Variants in BCKDHB observed in about 807,000 individuals in gnomAD.
BCKDHB encodes the protein 2-oxoisovalerate dehydrogenase subunit beta, mitochondrial.
A neutral mutation model predicts 48.5 loss-of-function variants in BCKDHB; 41 were observed. The observed-to-expected ratio is 0.85, with a 90% confidence interval of 0.66 to 1.10. The LOEUF (loss-of-function observed/expected upper bound fraction) is 1.10. Among genes scored for constraint, BCKDHB ranks in the 50% least tolerant of loss-of-function variants. The probability of loss-of-function intolerance (pLI) is 0.00; values close to 1 mark genes in which losing one functional copy is unlikely to be tolerated. For missense variants in BCKDHB, 496 were observed against 494.2 expected (o/e 1.00, Z -0.03); for synonymous variants, 201 against 174.8 (o/e 1.15, Z -1.18).
intron 9 of BCKDHB, among the ~76,000 whole-genome samples, chr6:80,341,476 T>G (rs1769903179): frequency 6.6e-6 from 1 of 152,250 alleles, no homozygotes; most frequent in Non-Finnish European, 1.5e-5. Context: ...CAAGTGTGTC[T>G]TCACAGCAGA....
the BCKDHB span, among the ~76,000 whole-genome samples, chr6:80,405,998 C>T: frequency 6.6e-6 from 1 of 152,092 alleles, no homozygotes; most frequent in Non-Finnish European, 1.5e-5. Flanking sequence ...CCACCAGGCC[C>T]CAGGGTGTGA....
intron 5 of BCKDHB, among the ~76,000 whole-genome samples, 175 bp downstream of exon 5, chr6:80,169,205 A>C (rs1433369765): frequency 2.6e-5 from 4 of 152,206 alleles, no homozygotes; most frequent in African/African-American, 7.2e-5. Flanking sequence ...TATGCTATCC[A>C]ATGCCCAGTT....
chr6:80,208,581 A>G (rs557548879), intron 8 of BCKDHB, among the ~76,000 whole-genome samples: 2 of 151,974 alleles, frequency 1.3e-5, no homozygotes, highest in East Asian at 3.9e-4. Flanking sequence ...AATAGGGTAG[A>G]AACAAAGGAC....
At chr6:80,408,781 A>G in the BCKDHB span, among the ~76,000 whole-genome samples, 1 of 114,168 alleles carries the variant, frequency 8.8e-6, no homozygotes, top group African/African-American at 3.3e-5. Flanking sequence ...CGGTCTATCT[A>G]TTTTGTTGAT....
chr6:80,111,546 C>T (rs1299746801), intron 1 of BCKDHB, among the ~76,000 whole-genome samples: 4 of 152,186 alleles, frequency 2.6e-5, no homozygotes, highest in African/African-American at 9.7e-5. Context: ...TGCAGATTAT[C>T]AGAGGCAAGC....
intron 9 of BCKDHB, among the ~76,000 whole-genome samples, chr6:80,282,896 T>TA (rs1582499528): frequency 6.6e-6 from 1 of 152,138 alleles, no homozygotes; most frequent in Non-Finnish European, 1.5e-5. Flanking sequence ...TGTTTTAAAT[T>TA]AAAAAACCCA....
At chr6:80,204,713 G>A (rs994290103) in intron 8 of BCKDHB, among the ~76,000 whole-genome samples, 11 of 152,024 alleles carry the variant, frequency 7.2e-5, no homozygotes, top group Non-Finnish European at 1.2e-4. Context: ...AGCATTTGTA[G>A]CAGCTTATTG....
intron 8 of BCKDHB, among the ~76,000 whole-genome samples, chr6:80,244,140 G>A (rs190660316): frequency 6.6e-6 from 1 of 152,180 alleles, no homozygotes; most frequent in Non-Finnish European, 1.5e-5. Context: ...GTTAAGTATT[G>A]ATGTGTAGGA....
At position 80,343,843 on chromosome 6, in the gene BCKDHB, T is replaced by C; in HGVS notation, c.*39T>C. 6.2e-7 allele frequency: 1 copy of C among 1,609,150 alleles called. No homozygotes were observed. The highest frequency in any genetic ancestry group is 8.5e-7 in the Non-Finnish European group (1 of 1,175,618). On this transcript the variant is annotated 3_prime_UTR_variant, in exon 10 of 10. Transcript: ENST00000320393. ...TATGCATCTTGAGAAAGCTACTATG[T>C]GCCCCTGACATTAACGTACTGTTAA...
At chr6:80,209,246 T>C (rs80177119) in intron 8 of BCKDHB, among the ~76,000 whole-genome samples, 5,130 of 151,964 alleles carry the variant, frequency 0.034, 276 homozygotes, top group African/African-American at 0.12. Context: ...CCTCTTGATA[T>C]TAGGACTGTC....
intron 3 of BCKDHB, among the ~76,000 whole-genome samples, chr6:80,140,420 G>A (rs1408758372): frequency 1.3e-5 from 2 of 152,132 alleles, no homozygotes; most frequent in East Asian, 3.9e-4. Flanking sequence ...TGTCCATTCA[G>A]TATGATATTG....
At chr6:80,340,350 C>G (rs1203740507) in intron 9 of BCKDHB, among the ~76,000 whole-genome samples, 3 of 152,182 alleles carry the variant, frequency 2.0e-5, no homozygotes, top group African/African-American at 7.2e-5. Context: ...AGAAAAGTTT[C>G]TCTAGGTGCC....
In BCKDHB at chr6:80,345,139, C is replaced by G. The variant is rs1358490634; in HGVS notation, c.*1335C>G. Reference sequence around the variant, plus strand: ...TATCAGCCCCTTCAGTGGTGTTATTCTAACAAAATGAATACATTACAAATT... The same window carrying G: ...TATCAGCCCCTTCAGTGGTGTTATTGTAACAAAATGAATACATTACAAATT... On this transcript the variant is annotated 3_prime_UTR_variant, in exon 10 of 10. Coordinates refer to ENST00000320393, the MANE Select transcript of BCKDHB (RefSeq NM_183050.4). 1 of 152,078 alleles carries G rather than the reference C, an allele frequency of 6.6e-6. No homozygotes were observed. Among genetic ancestry groups the G allele is most frequent in the East Asian group, 1.9e-4 (1 of 5,192 alleles). The allele number at this position is 152,078 out of a possible 1,614,324, so 9.4% of individuals were successfully genotyped here.
the BCKDHB span, among the ~76,000 whole-genome samples, chr6:80,361,104 C>T: frequency 6.6e-6 from 1 of 152,058 alleles, no homozygotes; most frequent in Non-Finnish European, 1.5e-5. Flanking sequence ...CTTCCAGGGG[C>T]CTCCCGGTAT....
At chr6:80,391,193 G>GTGTGTGTA in the BCKDHB span, among the ~76,000 whole-genome samples, 1 of 151,908 alleles carries the variant, frequency 6.6e-6, no homozygotes, top group Non-Finnish European at 1.5e-5. Flanking sequence ...GTGTGTGTGT[G>GTGTGTGTA]TGTGTCTCCT....
chr6:80,437,481 C>T, the BCKDHB span, among the ~76,000 whole-genome samples: 1 of 152,138 alleles, frequency 6.6e-6, no homozygotes, highest in Non-Finnish European at 1.5e-5. Flanking sequence ...AATGATCTCC[C>T]AGCCATAGTT....
chr6:80,267,512 G>A (rs1454036828), intron 8 of BCKDHB, among the ~76,000 whole-genome samples: 1 of 152,066 alleles, frequency 6.6e-6, no homozygotes, highest in African/African-American at 2.4e-5. Flanking sequence ...GGGATAGAAT[G>A]TCTGCCAGTG....
At chr6:80,336,486 C>CAAAAAA (rs145593158) in intron 9 of BCKDHB, among the ~76,000 whole-genome samples, 37 of 134,890 alleles carry the variant, frequency 2.7e-4, no homozygotes, top group African/African-American at 9.8e-4. Context: ...GAAATCTTAG[C>CAAAAAA]AAAAAAAACC....
intron 3 of BCKDHB, among the ~76,000 whole-genome samples, chr6:80,161,746 T>C (rs550245080): frequency 2.2e-4 from 33 of 152,336 alleles, no homozygotes; most frequent in African/African-American, 7.5e-4. Context: ...AGCTTTTCAT[T>C]CTTACAGCCA....
Sources: allele counts gnomAD v4.1 joint callset (sites outside exome capture counted in the v4.1 genomes callset), GRCh38; gene constraint gnomAD v4.1.1; transcripts MANE v1.5; gene names NCBI Gene and HGNC (gene_info 2026-07-23, HGNC 2026-07-21).